Variants in SETBP1 observed in about 807,000 individuals in gnomAD.
SETBP1 encodes the protein SET-binding protein.
In SETBP1, 9 loss-of-function variants were observed where a neutral mutation model predicts 101.0. That is an observed-to-expected ratio of 0.09 (90% CI 0.05 to 0.16). The LOEUF is 0.16. Among genes scored for constraint, SETBP1 ranks in the 10% least tolerant of loss-of-function variants. The pLI, the probability that SETBP1 is intolerant of heterozygous loss-of-function variation, is 1.00. For missense variants in SETBP1, 1,858 were observed against 2,033.8 expected (o/e 0.91, Z 1.66); for synonymous variants, 818 against 788.5 (o/e 1.04, Z -0.63).
chr18:44,683,563 G>A (rs894305197), intron 1 of SETBP1, among the ~76,000 whole-genome samples: 1 of 152,206 alleles, frequency 6.6e-6, no homozygotes, highest in African/African-American at 2.4e-5. Flanking sequence ...GGAGAGGAGA[G>A]TTCTCTCAAT....
At chr18:44,733,972 G>T (rs1018317821) in intron 2 of SETBP1, among the ~76,000 whole-genome samples, 1 of 152,146 alleles carries the variant, frequency 6.6e-6, no homozygotes, top group African/African-American at 2.4e-5. Flanking sequence ...CGGTCCAAAA[G>T]TTCCCTTCTC....
At chr18:44,787,422 G>T (rs2071261158) in intron 2 of SETBP1, among the ~76,000 whole-genome samples, 1 of 152,098 alleles carries the variant, frequency 6.6e-6, no homozygotes, top group Non-Finnish European at 1.5e-5. Context: ...AAAACTGAAT[G>T]AACTATTGTG....
chr18:44,682,064 C>T (rs1482685503), intron 1 of SETBP1, among the ~76,000 whole-genome samples: 1 of 151,858 alleles, frequency 6.6e-6, no homozygotes, highest in Non-Finnish European at 1.5e-5. Context: ...CTTTTCATTC[C>T]TTCACTCTTC....
Position 44,950,141 on chromosome 18 carries a change from A to T in SETBP1, c.801A>T (p.Lys267Asn), listed in dbSNP as rs745946867. 6 of 1,613,958 alleles carry T rather than the reference A, an allele frequency of 3.7e-6. No individual in the cohort carries two copies. The South Asian group carries it at 6.6e-5, about 18-fold the overall frequency. Reference protein sequence around the residue: ...VASFAKAQGKKGSAGNTWSQL... With the variant: ...VASFAKAQGKNGSAGNTWSQL... ...CCTTTGCAAAGGCCCAGGGTAAGAAAGGCAGTGCAGGGAACACGTGGAGTC... is the reference window on the plus strand; with the variant it reads ...CCTTTGCAAAGGCCCAGGGTAAGAATGGCAGTGCAGGGAACACGTGGAGTC... The change falls in exon 4 of 6, where the codon AAA becomes AAT. Residue 267 changes from lysine (K) to asparagine (N), a missense_variant. This residue lies in a region of SETBP1 where 581 missense variants were observed against 535.1 expected (regional missense o/e 1.09). Transcript: ENST00000649279.
At chr18:44,848,072 G>GGTGTGTGT (rs4024595) in intron 2 of SETBP1, among the ~76,000 whole-genome samples, 9 of 148,636 alleles carry the variant, frequency 6.1e-5, no homozygotes, top group African/African-American at 1.2e-4. Context: ...ACTCTCTGAA[G>GGTGTGTGT]GTGTGTGTGT....
intron 4 of SETBP1, among the ~76,000 whole-genome samples, chr18:45,027,273 GTA>G (rs1458708920): frequency 2.6e-5 from 4 of 152,166 alleles, no homozygotes; most frequent in Admixed American, 2.0e-4. Context: ...GCCAGACCAT[GTA>G]TAGTGGTTTC....
intron 2 of SETBP1, among the ~76,000 whole-genome samples, chr18:44,722,135 C>G (rs920808063): frequency 6.6e-6 from 1 of 152,136 alleles, no homozygotes; most frequent in African/African-American, 2.4e-5. Flanking sequence ...AGGGCATCTG[C>G]GTGGACATGC....
chr18:44,902,058 T>C (rs1160309613), intron 3 of SETBP1, among the ~76,000 whole-genome samples: 2 of 152,228 alleles, frequency 1.3e-5, no homozygotes, highest in Non-Finnish European at 2.9e-5. Flanking sequence ...AAGTTTGAAT[T>C]AATTAAAATT....
intron 2 of SETBP1, among the ~76,000 whole-genome samples, chr18:44,826,804 C>G (rs370367180): frequency 6.6e-6 from 1 of 152,114 alleles, no homozygotes; most frequent in African/African-American, 2.4e-5. Flanking sequence ...TTCCAACCCC[C>G]AAACAAAGGA....
At chr18:45,000,197 T>G (rs1599430939) in intron 4 of SETBP1, among the ~76,000 whole-genome samples, 1 of 152,376 alleles carries the variant, frequency 6.6e-6, no homozygotes, top group South Asian at 2.1e-4. Flanking sequence ...CCAAGACACC[T>G]ATCCTTAGTA....
rs189036010 is a variant in SETBP1 at position 44,716,949 on chromosome 18, C to A, written c.486+15117C>A. Among the ~76,000 whole-genome samples the A allele has an allele frequency of 3.7e-3, 563 of 152,302 alleles. 4 individuals carry two copies. The highest frequency in any genetic ancestry group is 0.013 in the African/African-American group (532 of 41,562). ...GCTTTCCTGGACATAACAACAGCTG[C>A]CATTTTGCTACTTAGAGGAGCTGAG... On this transcript the variant is annotated intron_variant, in intron 2 of 5. Transcript: ENST00000649279.
intron 2 of SETBP1, among the ~76,000 whole-genome samples, chr18:44,814,227 A>G (rs1309043422): frequency 6.6e-6 from 1 of 152,200 alleles, no homozygotes; most frequent in East Asian, 1.9e-4. Flanking sequence ...TAGCTTATTG[A>G]ATTTGCACAG....
intron 1 of SETBP1, among the ~76,000 whole-genome samples, chr18:44,694,207 T>G (rs559526386): frequency 6.6e-6 from 1 of 152,310 alleles, no homozygotes; most frequent in African/African-American, 2.4e-5. Context: ...TAAAGTTTGC[T>G]CGTTCTTATG....
intron 2 of SETBP1, among the ~76,000 whole-genome samples, chr18:44,770,120 C>T (rs1372717821): frequency 1.3e-5 from 2 of 152,166 alleles, no homozygotes; most frequent in Non-Finnish European, 2.9e-5. Flanking sequence ...GCAAATTCTA[C>T]AGGAGAGATA....
intron 2 of SETBP1, among the ~76,000 whole-genome samples, chr18:44,733,627 G>C (rs776916181): frequency 6.6e-6 from 1 of 152,130 alleles, no homozygotes; most frequent in African/African-American, 2.4e-5. Flanking sequence ...AAACCACTAC[G>C]TGGCTGATTT....
chr18:45,041,234 A>G (rs1484148682), intron 5 of SETBP1, among the ~76,000 whole-genome samples: 1 of 152,208 alleles, frequency 6.6e-6, no homozygotes, highest in Non-Finnish European at 1.5e-5. Context: ...CTTCTTTTGG[A>G]GAACAGTGAA....
chr18:44,843,500 G>A (rs891770312), intron 2 of SETBP1, among the ~76,000 whole-genome samples: 1 of 152,194 alleles, frequency 6.6e-6, no homozygotes, highest in African/African-American at 2.4e-5. Flanking sequence ...AGTCTCCTCA[G>A]TTGCTCCTCT....
chr18:44,882,345 C>T (rs1205215020), intron 3 of SETBP1, among the ~76,000 whole-genome samples: 2 of 151,986 alleles, frequency 1.3e-5, no homozygotes, highest in African/African-American at 2.4e-5. Context: ...AGGCTGACAG[C>T]TCAAGTGGAA....
rs143175807 is a variant in SETBP1, at chr18:44,748,808, G to T, written c.486+46976G>T. ...CTTAGATTGTGTCTGTTATTTATTG[G>T]GAAATGCAGGATGGATCATGCAACG... On this transcript the variant is annotated intron_variant, in intron 2 of 5. Coordinates refer to ENST00000649279, the MANE Select transcript of SETBP1 (RefSeq NM_015559.3). 3.4e-3 allele frequency among the ~76,000 whole-genome samples: 514 copies of T among 152,280 alleles called. 9 individuals are homozygous for T. Among genetic ancestry groups the T allele is most frequent in the Admixed American group, 0.022 (337 of 15,306 alleles).
Sources: gnomAD v4.1 joint callset for allele counts (sites outside exome capture counted in the v4.1 genomes callset) on GRCh38, gnomAD v4.1.1 for gene constraint, gnomAD v4.1.1 regional missense constraint, MANE v1.5 for transcripts, NCBI Gene and HGNC (gene_info 2026-07-23, HGNC 2026-07-21) for gene names.